Variants in GPC6 observed in about 807,000 individuals in gnomAD.
GPC6 encodes the protein glypican-6.
GPC6 carries 14 observed loss-of-function variants against 55.2 expected under a neutral mutation model. That is an observed-to-expected ratio of 0.25 (90% CI 0.17 to 0.40). GPC6 has a LOEUF of 0.40. Ranked by LOEUF, GPC6 falls within the 10% of genes least tolerant of loss-of-function variation. GPC6 has a pLI of 1.00. For missense variants in GPC6, 641 were observed against 708.5 expected, an observed-to-expected ratio of 0.90 and a Z score of 1.08; for synonymous variants, 278 against 259.6, an observed-to-expected ratio of 1.07 and a Z score of -0.68.
chr13:93,951,378 C>G (rs1566618925), intron 3 of GPC6, among the ~76,000 whole-genome samples: 1 of 152,090 alleles, frequency 6.6e-6, no homozygotes, highest in Non-Finnish European at 1.5e-5. Context: ...TGGCCTAACT[C>G]AATTTTGCCA....
intron 2 of GPC6, among the ~76,000 whole-genome samples, chr13:93,555,797 G>A (rs1875429630): frequency 6.6e-6 from 1 of 152,074 alleles, no homozygotes; most frequent in Admixed American, 6.6e-5. Context: ...CAGATTGCTG[G>A]GTTCAACACC....
chr13:94,112,850 G>A (rs1240038221), intron 4 of GPC6, among the ~76,000 whole-genome samples: 1 of 151,690 alleles, frequency 6.6e-6, no homozygotes, highest in Non-Finnish European at 1.5e-5. Context: ...TTTTTTTTCA[G>A]TTAAACTACT....
chr13:93,612,139 G>A lies in GPC6; in HGVS notation c.319+66718G>A, dbSNP rs115998035. Among the ~76,000 whole-genome samples, 891 of 152,208 alleles carry A rather than the reference G, an allele frequency of 5.9e-3. 14 individuals are homozygous for A. The highest frequency in any genetic ancestry group is 0.02 in the African/African-American group (836 of 41,526). Reference sequence around the variant, plus strand: ...TACCTCCCAAAAAATAAATGATGATGGTTTACGGCGTAAAGTGAATTGTGT... The same window carrying A: ...TACCTCCCAAAAAATAAATGATGATAGTTTACGGCGTAAAGTGAATTGTGT... On this transcript the variant is annotated intron_variant, in intron 2 of 8. Coordinates refer to ENST00000377047, the MANE Select transcript of GPC6 (RefSeq NM_005708.5).
intron 1 of GPC6, among the ~76,000 whole-genome samples, chr13:93,432,305 G>A (rs535039877): frequency 6.6e-6 from 1 of 152,228 alleles, no homozygotes; most frequent in African/African-American, 2.4e-5. Flanking sequence ...TCTCTCTCCG[G>A]CCAACTCTTT....
intron 5 of GPC6, among the ~76,000 whole-genome samples, chr13:94,296,140 A>G (rs1875321089): frequency 6.6e-6 from 1 of 152,232 alleles, no homozygotes; most frequent in Admixed American, 6.5e-5. Context: ...TGAAGGTTTG[A>G]AAACATGCTT....
chr13:93,599,878 G>C (rs1296236282), intron 2 of GPC6, among the ~76,000 whole-genome samples: 1 of 152,152 alleles, frequency 6.6e-6, no homozygotes, highest in Non-Finnish European at 1.5e-5. Flanking sequence ...TTAAGAGAAA[G>C]AGTATTTCAC....
At chr13:94,345,428 T>G (rs1449879721) in intron 6 of GPC6, among the ~76,000 whole-genome samples, 1 of 152,240 alleles carries the variant, frequency 6.6e-6, no homozygotes, top group Non-Finnish European at 1.5e-5. Flanking sequence ...GTACTTAAAA[T>G]ATGATTCAAT....
intron 4 of GPC6, among the ~76,000 whole-genome samples, chr13:94,152,039 G>A (rs1375336214): frequency 6.6e-6 from 1 of 152,020 alleles, no homozygotes; most frequent in Non-Finnish European, 1.5e-5. Context: ...AATCTACAGG[G>A]ACTTGTTTCA....
At chr13:94,052,018 T>C (rs1251698982) in intron 4 of GPC6, among the ~76,000 whole-genome samples, 2 of 151,954 alleles carry the variant, frequency 1.3e-5, no homozygotes, top group African/African-American at 4.8e-5. Context: ...GTAGTGGAAA[T>C]AAAAACATAA....
chr13:94,147,436 G>A (rs1887602823), intron 4 of GPC6, among the ~76,000 whole-genome samples: 3 of 152,126 alleles, frequency 2.0e-5, no homozygotes, highest in African/African-American at 4.8e-5. Context: ...ATGAGCTTTA[G>A]CAAGTTATCT....
chr13:93,493,984 A>G (rs1880146717), intron 1 of GPC6, among the ~76,000 whole-genome samples: 1 of 126,512 alleles, frequency 7.9e-6, no homozygotes, highest in African/African-American at 2.9e-5. Context: ...TGATGCTGAA[A>G]AAAATGTATA....
intron 4 of GPC6, among the ~76,000 whole-genome samples, chr13:94,121,931 T>C (rs781314302): frequency 2.6e-5 from 4 of 152,104 alleles, no homozygotes; most frequent in Non-Finnish European, 5.9e-5. Context: ...ACAACTGTTC[T>C]GATATGAGTC....
intron 3 of GPC6, among the ~76,000 whole-genome samples, chr13:93,988,508 A>G (rs1247272334): frequency 1.3e-5 from 2 of 152,188 alleles, no homozygotes; most frequent in Non-Finnish European, 2.9e-5. Context: ...AAGTAGCCTA[A>G]ACAGCTAGGA....
At chr13:93,409,317 G>A (rs565261562) in intron 1 of GPC6, among the ~76,000 whole-genome samples, 29 of 152,124 alleles carry the variant, frequency 1.9e-4, no homozygotes, top group African/African-American at 7.0e-4. Flanking sequence ...TGATTTTTAA[G>A]TAACTATAAA....
intron 2 of GPC6, among the ~76,000 whole-genome samples, chr13:93,777,662 C>T (rs1004481417): frequency 1.3e-5 from 2 of 152,212 alleles, no homozygotes; most frequent in Admixed American, 6.5e-5. Context: ...TATAGGTTTA[C>T]GTGAATACAT....
intron 4 of GPC6, among the ~76,000 whole-genome samples, chr13:94,172,313 A>G (rs1393120307): frequency 6.6e-6 from 1 of 152,208 alleles, no homozygotes; most frequent in South Asian, 2.1e-4. Flanking sequence ...GATTATCTCA[A>G]TAGTACATAT....
At chr13:93,807,643 G>A (rs1742830057) in intron 2 of GPC6, among the ~76,000 whole-genome samples, 1 of 152,126 alleles carries the variant, frequency 6.6e-6, no homozygotes, top group Non-Finnish European at 1.5e-5. Flanking sequence ...TCTAACAGAG[G>A]CCAATGACTT....
chr13:93,391,676 A>G (rs191051488), intron 1 of GPC6, among the ~76,000 whole-genome samples: 105 of 152,224 alleles, frequency 6.9e-4, no homozygotes, highest in African/African-American at 2.4e-3. Flanking sequence ...CAACTTGTCT[A>G]ATGATTCTGC....
chr13:93,853,836 C>T (rs1053063573), intron 3 of GPC6, among the ~76,000 whole-genome samples: 19 of 151,560 alleles, frequency 1.3e-4, no homozygotes, highest in Admixed American at 1.1e-3. Context: ...GTTGTCCTCA[C>T]GGGAATTAAA....
Sources: gnomAD v4.1 joint callset for allele counts (sites outside exome capture counted in the v4.1 genomes callset) on GRCh38, gnomAD v4.1.1 for gene constraint, MANE v1.5 for transcripts, NCBI Gene and HGNC (gene_info 2026-07-23, HGNC 2026-07-21) for gene names.